Variants in ERP44 observed in about 807,000 individuals in gnomAD.
The protein encoded by ERP44 is endoplasmic reticulum protein 44, also known as endoplasmic reticulum resident protein 44.
Under a neutral mutation model 53.4 loss-of-function variants are expected in ERP44, and 25 were observed. The ratio of observed to expected loss-of-function variants is 0.47; its 90% CI spans 0.34 to 0.65. The LOEUF (loss-of-function observed/expected upper bound fraction) is 0.65, where lower values mean the gene tolerates loss of function less well. Ranked by LOEUF, ERP44 falls within the 30% of genes least tolerant of loss-of-function variation. The probability of loss-of-function intolerance (pLI) is 0.01; values close to 1 mark genes in which losing one functional copy is unlikely to be tolerated. For missense variants in ERP44, 338 were observed against 493.2 expected, an observed-to-expected ratio of 0.69 and a Z score of 2.98; for synonymous variants, 145 against 161.2, an observed-to-expected ratio of 0.90 and a Z score of 0.76.
At chr9:100,016,019 C>T (rs890349420) in intron 8 of ERP44, among the ~76,000 whole-genome samples, 1 of 152,254 alleles carries the variant, frequency 6.6e-6, no homozygotes, top group South Asian at 2.1e-4. Flanking sequence ...TTCTAAAGGA[C>T]ATCCACCTAA....
rs1251611958 is a variant in ERP44, at chr9:99,982,435, C to T, written c.*177G>A. The T allele has an allele frequency of 1.1e-5, 3 of 278,676 alleles. No individual in the cohort carries two copies. Among genetic ancestry groups the T allele is most frequent in the Non-Finnish European group, 1.9e-5 (3 of 155,192 alleles). The allele number at this position is 278,676 out of a possible 1,614,324, so 17.3% of individuals were successfully genotyped here. A position where few individuals can be genotyped will look rare whatever the true frequency, so the allele number is the denominator to read the frequency against. ...TAGCAGGTTTTTTTTTTTTAAGAGG[C>T]TACTATATTAAATGACAATGCATTT... is the stretch of plus-strand genomic sequence containing the variant. On this transcript the variant is annotated 3_prime_UTR_variant, in exon 12 of 12. Transcript: ENST00000262455.
rs1414197583 is a variant in ERP44, at chr9:99,980,737, CA to C, written c.*1874del. The C allele has an allele frequency of 6.6e-6, 1 of 152,160 alleles. No homozygotes were observed. Among genetic ancestry groups the C allele is most frequent in the Non-Finnish European group, 1.5e-5 (1 of 68,038 alleles). 9.4% of individuals were successfully genotyped at this position (152,160 alleles called of 1,614,324 possible). On this transcript the variant is annotated 3_prime_UTR_variant, in exon 12 of 12. Coordinates refer to ENST00000262455, the MANE Select transcript of ERP44 (RefSeq NM_015051.3). The stretch of plus-strand genomic sequence containing the variant: ...CAGTGACTTCACAGTCCAGAGAAGA[CA>C]ATGATAGTGGCAGGGCTAGAGCCTA...
At chr9:100,092,836 C>CA (rs1312337928) in intron 1 of ERP44, among the ~76,000 whole-genome samples, 2 of 152,114 alleles carry the variant, frequency 1.3e-5, no homozygotes, top group East Asian at 3.8e-4. Flanking sequence ...GCACAGATTA[C>CA]AAAAACACTC....
At position 99,993,018 on chromosome 9, in the gene ERP44, G is replaced by A. The variant is rs540101006; in HGVS notation, c.1017-7949C>T. ...ACTGCTCAACGAATTAAAAGAGGAC[G>A]CAAACAAATGGAAGAACATTCCATG... On this transcript the variant is annotated intron_variant, in intron 10 of 11. Coordinates refer to ENST00000262455, the MANE Select transcript of ERP44 (RefSeq NM_015051.3). Among the ~76,000 whole-genome samples the A allele has an allele frequency of 9.9e-4, 150 of 152,210 alleles. 3 individuals carry two copies. In the East Asian group the frequency reaches 0.02, roughly 20 times the overall value.
At chr9:99,995,295 T>C (rs189417934) in intron 10 of ERP44, among the ~76,000 whole-genome samples, 2 of 152,344 alleles carry the variant, frequency 1.3e-5, no homozygotes, top group Admixed American at 6.5e-5. Context: ...CAAAGAAAGT[T>C]AGTTTTATTT....
chr9:100,000,144 C>G (rs937330163), intron 10 of ERP44, among the ~76,000 whole-genome samples: 5 of 152,046 alleles, frequency 3.3e-5, no homozygotes, highest in African/African-American at 1.2e-4. Context: ...TAAGAGTGTT[C>G]TCCCAGGCCG....
At chr9:100,016,812 G>A (rs182019061) in intron 7 of ERP44, among the ~76,000 whole-genome samples, 91 of 152,238 alleles carry the variant, frequency 6.0e-4, no homozygotes, top group African/African-American at 2.1e-3. Context: ...GAGGGCCATG[G>A]GTGGCAAAAA....
At chr9:100,039,782 C>A (rs1825883185) in intron 4 of ERP44, among the ~76,000 whole-genome samples, 1 of 151,668 alleles carries the variant, frequency 6.6e-6, no homozygotes, top group East Asian at 1.9e-4. Flanking sequence ...TTTAGCCAGA[C>A]TATGAAAAAA....
At chr9:99,993,101 T>C (rs573596656) in intron 10 of ERP44, among the ~76,000 whole-genome samples, 4 of 152,308 alleles carry the variant, frequency 2.6e-5, no homozygotes, top group South Asian at 4.1e-4. Context: ...AGGTAATTTA[T>C]AGATTCAATG....
intron 10 of ERP44, among the ~76,000 whole-genome samples, chr9:99,991,787 A>C (rs1056923883): frequency 7.2e-5 from 11 of 152,234 alleles, no homozygotes; most frequent in African/African-American, 2.4e-4. Flanking sequence ...ATAAAGAAGA[A>C]AAGAGAGAAG....
intron 8 of ERP44, among the ~76,000 whole-genome samples, chr9:100,010,177 G>T (rs915699360): frequency 1.3e-5 from 2 of 152,152 alleles, no homozygotes; most frequent in African/African-American, 2.4e-5. Context: ...GGTAATTCAT[G>T]CTGCTTAGGC....
intron 1 of ERP44, among the ~76,000 whole-genome samples, chr9:100,071,058 C>T (rs1188842710): frequency 1.3e-5 from 2 of 149,774 alleles, no homozygotes; most frequent in South Asian, 2.1e-4. Flanking sequence ...AAAGTTTATA[C>T]TCAACAGATT....
intron 10 of ERP44, among the ~76,000 whole-genome samples, chr9:99,989,989 A>G (rs554782781): frequency 4.3e-4 from 65 of 152,294 alleles, no homozygotes; most frequent in Non-Finnish European, 8.7e-4. Context: ...AAAAGAGACA[A>G]ACAAAGCCTC....
intron 1 of ERP44, among the ~76,000 whole-genome samples, chr9:100,087,594 G>T (rs1826499652): frequency 6.6e-6 from 1 of 152,162 alleles, no homozygotes; most frequent in South Asian, 2.1e-4. Flanking sequence ...AACTAAGCAG[G>T]AGAGGTCTTT....
intron 1 of ERP44, among the ~76,000 whole-genome samples, chr9:100,067,401 C>T (rs1163436613): frequency 2.6e-5 from 4 of 152,172 alleles, no homozygotes; most frequent in Non-Finnish European, 5.9e-5. Context: ...CTGTGTTGGC[C>T]GGGCTGGTCT....
chr9:100,061,944 G>A (rs1347365357), intron 1 of ERP44, among the ~76,000 whole-genome samples: 4 of 152,060 alleles, frequency 2.6e-5, no homozygotes, highest in African/African-American at 7.2e-5. Flanking sequence ...AAGCAAAAAG[G>A]TCTCCCTGAC....
chr9:100,052,157 C>T, intron 4 of ERP44, among the ~76,000 whole-genome samples: 1 of 151,988 alleles, frequency 6.6e-6, no homozygotes, highest in South Asian at 2.1e-4. Context: ...GCTTGACCTA[C>T]TGTAATTTTT....
At position 100,021,990 on chromosome 9, in the gene ERP44, G is replaced by A. The variant is rs373024095; in HGVS notation, c.471+52C>T. 2 of 1,506,480 alleles carry A rather than the reference G, an allele frequency of 1.3e-6. 1 individual carries two copies. The highest frequency in any genetic ancestry group is 2.4e-5 in the South Asian group (2 of 82,724). 93.3% of individuals were successfully genotyped at this position (1,506,480 alleles called of 1,614,324 possible). Reference sequence around the variant, plus strand: ...AGATTTTTTGTTTGCATTAGAATTTGTTTACATTAATCAGGGAATGTTTGT... The same window carrying A: ...AGATTTTTTGTTTGCATTAGAATTTATTTACATTAATCAGGGAATGTTTGT... On this transcript the variant is annotated intron_variant, in intron 5 of 11. Coordinates refer to ENST00000262455, the MANE Select transcript of ERP44 (RefSeq NM_015051.3).
chr9:100,032,235 G>T lies in ERP44; in HGVS notation c.287-10009C>A, dbSNP rs1319963220. Reference sequence around the variant, plus strand: ...AGAAACTGCACACTTCCCTGGCCCTGTTCCTCCAGGGCTCCACCCTGAAGC... The same window carrying T: ...AGAAACTGCACACTTCCCTGGCCCTTTTCCTCCAGGGCTCCACCCTGAAGC... On this transcript the variant is annotated intron_variant, in intron 4 of 11. Coordinates refer to ENST00000262455, the MANE Select transcript of ERP44 (RefSeq NM_015051.3). Among the ~76,000 whole-genome samples the T allele has an allele frequency of 5.3e-5, 8 of 152,206 alleles. No homozygotes were observed. The East Asian group carries it at 1.5e-3, about 29-fold the overall frequency.
Sources: gnomAD v4.1 joint callset for allele counts (sites outside exome capture counted in the v4.1 genomes callset) on GRCh38, gnomAD v4.1.1 for gene constraint, MANE v1.5 for transcripts, NCBI Gene and HGNC (gene_info 2026-07-23, HGNC 2026-07-21) for gene names.